Variants in GRID1 observed in about 807,000 individuals in gnomAD.
GRID1 encodes the protein glutamate ionotropic receptor delta type subunit 1, also known as glutamate receptor ionotropic, delta-1.
In GRID1, 28 loss-of-function variants were observed where a neutral mutation model predicts 98.0. The observed-to-expected ratio is 0.29, with a 90% CI of 0.21 to 0.39. The LOEUF (loss-of-function observed/expected upper bound fraction) is 0.39. Among genes scored for constraint, GRID1 ranks in the 10% least tolerant of loss-of-function variants. The pLI, the probability that GRID1 is intolerant of heterozygous loss-of-function variation, is 1.00. For missense variants in GRID1, 1,111 were observed against 1,340.5 expected, an observed-to-expected ratio of 0.83 and a Z score of 2.67; for synonymous variants, 553 against 538.5, an observed-to-expected ratio of 1.03 and a Z score of -0.37.
At chr10:86,285,728 G>A (rs990916402) in intron 2 of GRID1, among the ~76,000 whole-genome samples, 3 of 152,220 alleles carry the variant, frequency 2.0e-5, no homozygotes, top group African/African-American at 7.2e-5. Flanking sequence ...CAGATTAGAT[G>A]TAGGAATAGG....
At chr10:86,109,678 T>C (rs868590797) in intron 4 of GRID1, among the ~76,000 whole-genome samples, 1 of 152,214 alleles carries the variant, frequency 6.6e-6, no homozygotes, top group African/African-American at 2.4e-5. Context: ...AAGCATCTCA[T>C]TGACTGGCCT....
chr10:86,064,948 A>C (rs1411689580), intron 4 of GRID1, among the ~76,000 whole-genome samples: 1 of 152,226 alleles, frequency 6.6e-6, no homozygotes, highest in Non-Finnish European at 1.5e-5. Context: ...TTATATTAAA[A>C]ATTGAGATTC....
At chr10:86,327,222 A>G (rs923658383) in intron 2 of GRID1, among the ~76,000 whole-genome samples, 3 of 152,228 alleles carry the variant, frequency 2.0e-5, no homozygotes, top group African/African-American at 7.2e-5. Flanking sequence ...CATTTATGCT[A>G]TAGTTTACTG....
rs561181389 is a variant in GRID1, at chr10:86,101,349, TAGAC to T, written c.726+37466_726+37469del. Among the ~76,000 whole-genome samples the T allele has an allele frequency of 5.9e-5, 9 of 152,362 alleles. No individual in the cohort carries two copies. The East Asian group carries it at 1.2e-3, about 20-fold the overall frequency. The stretch of plus-strand genomic sequence containing the variant: ...TATAATCTTATGAGTTTTATAAACT[TAGAC>T]AGTAATGTAACCAACACCATAATCA... On this transcript the variant is annotated intron_variant, in intron 4 of 15. Transcript: ENST00000327946.
chr10:85,898,269 G>A (rs548665525), intron 5 of GRID1, among the ~76,000 whole-genome samples: 5 of 152,292 alleles, frequency 3.3e-5, no homozygotes, highest in African/African-American at 4.8e-5. Context: ...GGACACTTAC[G>A]ATGAATGGAG....
intron 12 of GRID1, among the ~76,000 whole-genome samples, chr10:85,716,654 A>G (rs1841643071): frequency 6.7e-6 from 1 of 148,460 alleles, no homozygotes; most frequent in African/African-American, 2.4e-5. Context: ...ATATACACAT[A>G]TACAATGTAC....
At chr10:85,895,037 A>ATATATATATATATG (rs1841271297) in intron 5 of GRID1, among the ~76,000 whole-genome samples, 1 of 146,498 alleles carries the variant, frequency 6.8e-6, no homozygotes, top group Non-Finnish European at 1.5e-5. Context: ...ATATATATAT[A>ATATATATATATATG]TATGTAAAAT....
intron 4 of GRID1, among the ~76,000 whole-genome samples, chr10:86,008,763 C>T (rs1435149223): frequency 6.6e-6 from 1 of 152,128 alleles, no homozygotes; most frequent in African/African-American, 2.4e-5. Context: ...GTATGTAAAT[C>T]AAGAACATCT....
intron 12 of GRID1, among the ~76,000 whole-genome samples, chr10:85,651,892 C>A (rs1284417685): frequency 1.3e-5 from 2 of 152,200 alleles, no homozygotes; most frequent in African/African-American, 4.8e-5. Flanking sequence ...CCTACCCTCT[C>A]CTCCAATCTT....
intron 12 of GRID1, among the ~76,000 whole-genome samples, chr10:85,697,600 T>C (rs1277981192): frequency 6.6e-6 from 1 of 152,188 alleles, no homozygotes; most frequent in South Asian, 2.1e-4. Flanking sequence ...GGAAGACCTG[T>C]TCCTTTATTA....
chr10:85,985,217 G>C (rs937343894), intron 4 of GRID1, among the ~76,000 whole-genome samples: 11 of 152,156 alleles, frequency 7.2e-5, no homozygotes, highest in African/African-American at 2.2e-4. Context: ...ATCTCAAGTT[G>C]CCAAGTGAGG....
At chr10:85,977,625 A>C (rs1181489503) in intron 4 of GRID1, among the ~76,000 whole-genome samples, 2 of 152,250 alleles carry the variant, frequency 1.3e-5, no homozygotes, top group Admixed American at 1.3e-4. Context: ...GCACACCTGC[A>C]GAGCCTGGGA....
intron 6 of GRID1, among the ~76,000 whole-genome samples, chr10:85,859,402 T>TGGATGGATGGAC (rs1843143723): frequency 6.6e-6 from 1 of 151,938 alleles, no homozygotes; most frequent in Admixed American, 6.5e-5. Context: ...GATGGATGGA[T>TGGATGGATGGAC]GGATGGATGG....
chr10:86,366,307 C>T lies in GRID1; in HGVS notation c.79+7G>A, dbSNP rs755734674. ...CCAGCCTCGGCCCGGCCTCCAGCCG[C>T]GCTTACCGATGTGGATGATGGAGTC... On this transcript the variant is annotated splice_region_variant and intron_variant, in intron 1 of 15. Transcript: ENST00000327946. The surrounding 1 kb of genome is among the most constrained non-coding windows in gnomAD (Gnocchi z 4.1). The T allele has an allele frequency of 6.7e-7, 1 of 1,490,196 alleles. No individual in the cohort carries two copies. Among genetic ancestry groups the T allele is most frequent in the Non-Finnish European group, 9.0e-7 (1 of 1,116,544 alleles). The allele number at this position is 1,490,196 out of a possible 1,614,324, so 92.3% of individuals were successfully genotyped here. A position where few individuals can be genotyped will look rare whatever the true frequency, so the allele number is the denominator to read the frequency against.
chr10:85,880,272 T>C (rs1462493979), intron 5 of GRID1, among the ~76,000 whole-genome samples: 1 of 152,184 alleles, frequency 6.6e-6, no homozygotes, highest in Admixed American at 6.5e-5. Context: ...ACTCATTTTA[T>C]GAGGCCAGCA....
intron 4 of GRID1, among the ~76,000 whole-genome samples, chr10:86,062,734 G>A (rs888335046): frequency 4.6e-5 from 7 of 152,170 alleles, no homozygotes; most frequent in Admixed American, 6.5e-5. Context: ...CTTCCAGACC[G>A]TAAGCTCCTT....
intron 2 of GRID1, among the ~76,000 whole-genome samples, chr10:86,217,644 G>A (rs557812045): frequency 1.4e-3 from 213 of 152,260 alleles, no homozygotes; most frequent in Non-Finnish European, 2.6e-3. Flanking sequence ...ACATGCCTGC[G>A]GGTTTGGTGC....
At chr10:86,078,661 C>A (rs1349772065) in intron 4 of GRID1, among the ~76,000 whole-genome samples, 1 of 152,248 alleles carries the variant, frequency 6.6e-6, no homozygotes, top group Non-Finnish European at 1.5e-5. Flanking sequence ...AGCACCGGAC[C>A]CTTCCACTGT....
intron 2 of GRID1, among the ~76,000 whole-genome samples, chr10:86,325,234 T>G (rs530611984): frequency 1.2e-4 from 18 of 152,346 alleles, no homozygotes; most frequent in Non-Finnish European, 2.2e-4. Flanking sequence ...CATTCTAAGT[T>G]CTGGTTTAAA....
Sources: allele counts gnomAD v4.1 joint callset (sites outside exome capture counted in the v4.1 genomes callset), GRCh38; gene constraint gnomAD v4.1.1; non-coding constraint Gnocchi (gnomAD v3.1); transcripts MANE v1.5; gene names NCBI Gene and HGNC (gene_info 2026-07-23, HGNC 2026-07-21).